Variants in MORN3 observed in about 807,000 individuals in gnomAD.
The protein encoded by MORN3 is MORN repeat containing 3, also known as MORN repeat-containing protein 3.
In MORN3, 38 loss-of-function variants were observed where a neutral mutation model predicts 34.7. That is an observed-to-expected ratio of 1.10 (90% CI 0.85 to 1.44). MORN3 has a LOEUF of 1.44. Ranked by LOEUF, MORN3 falls within the 40% of genes most tolerant of loss-of-function variation. The pLI is 0.00. For synonymous variants in MORN3, 109 were observed against 115.3 expected (o/e 0.95, Z 0.35); for missense variants, 311 against 321.7 (o/e 0.97, Z 0.25).
upstream of MORN3, among the ~76,000 whole-genome samples, chr12:121,670,400 T>C (rs966067560): frequency 1.3e-5 from 2 of 152,138 alleles, no homozygotes; most frequent in African/African-American, 2.4e-5. Context: ...TTGGCAGAGG[T>C]TGCAGTAAGC....
At chr12:121,657,650 C>G (rs1893450590) in intron 2 of MORN3, among the ~76,000 whole-genome samples, 1 of 151,968 alleles carries the variant, frequency 6.6e-6, no homozygotes, top group Non-Finnish European at 1.5e-5. Flanking sequence ...GGCGGATCAC[C>G]TGAGGTCGGG....
Position 121,649,656 on chromosome 12 carries a change from C to T in MORN3, c.*1995G>A, listed in dbSNP as rs1555324803. The T allele has an allele frequency of 1.3e-5, 2 of 151,440 alleles. No individual in the cohort carries two copies. The highest frequency in any genetic ancestry group is 2.9e-5 in the Non-Finnish European group (2 of 67,984). The allele number at this position is 151,440 out of a possible 1,614,324, so 9.4% of individuals were successfully genotyped here. ...TGAGGCTTTACTATGTGCTATGTGCCTCTTGCTGAGGTCTTAGCTAGAATC... is the reference window on the plus strand; with the variant it reads ...TGAGGCTTTACTATGTGCTATGTGCTTCTTGCTGAGGTCTTAGCTAGAATC... On this transcript the variant is annotated 3_prime_UTR_variant, in exon 6 of 6. Transcript: ENST00000355329.
Position 121,650,117 on chromosome 12 carries a change from C to T in MORN3, c.*1534G>A, listed in dbSNP as rs560423472. 6.6e-6 allele frequency: 1 copy of T among 152,104 alleles called. No homozygotes were observed. Among genetic ancestry groups the T allele is most frequent in the East Asian group, 1.9e-4 (1 of 5,150 alleles). The allele number at this position is 152,104 out of a possible 1,614,324, so 9.4% of individuals were successfully genotyped here. A position where few individuals can be genotyped will look rare whatever the true frequency, so the allele number is the denominator to read the frequency against. On this transcript the variant is annotated 3_prime_UTR_variant, in exon 6 of 6. Coordinates refer to ENST00000355329, the MANE Select transcript of MORN3 (RefSeq NM_173855.5). ...CCAGGTGGTAAGTACTGTTAATGCC[C>T]CATATTGCAAGTGAGGAGACCAACA...
Position 121,659,177 on chromosome 12 carries a change from G to T in MORN3, c.303+14C>A, listed in dbSNP as rs1009045953. 5.0e-6 allele frequency: 8 copies of T among 1,605,424 alleles called. No individual in the cohort carries two copies. The highest frequency in any genetic ancestry group is 1.3e-5 in the African/African-American group (1 of 74,286). On this transcript the variant is annotated intron_variant, in intron 2 of 5. Coordinates refer to ENST00000355329, the MANE Select transcript of MORN3 (RefSeq NM_173855.5). ...CACACACACACACACACCCCGGCTG[G>T]CAGGCCTGCTCACCGATTTCTTATC...
At chr12:121,654,186 CCTGT>C in intron 3 of MORN3, 84 bp downstream of exon 3, 1 of 1,120,274 alleles carries the variant, frequency 8.9e-7, no homozygotes, top group Non-Finnish European at 1.3e-6. Flanking sequence ...TGGGGTGTGG[CCTGT>C]CTCTGTGGGA....
chr12:121,654,155 G>T, intron 3 of MORN3, 119 bp downstream of exon 3: 1 of 768,082 alleles, frequency 1.3e-6, no homozygotes, highest in African/African-American at 1.8e-5. Flanking sequence ...TTGACACAAG[G>T]GTCAGTGTGG....
chr12:121,663,766 T>A (rs578227626), intron 1 of MORN3, among the ~76,000 whole-genome samples: 1 of 152,080 alleles, frequency 6.6e-6, no homozygotes, highest in Admixed American at 6.5e-5. Context: ...TTTATTTTTT[T>A]ATTTTTTTTT....
At chr12:121,652,873 G>A (rs12578883) in intron 4 of MORN3, 65 bp from the exon 5 acceptor site, 29,222 of 1,564,670 alleles carry the variant, frequency 0.019, 661 homozygotes, top group African/African-American at 0.096. Flanking sequence ...AGCCTTGACT[G>A]GCGCTGCCTG....
At position 121,653,265 on chromosome 12, in the gene MORN3, G is replaced by C. The variant is rs7965126; in HGVS notation, c.464-6C>G. 1 of 1,612,846 alleles carries C rather than the reference G, an allele frequency of 6.2e-7. No homozygotes were observed. The highest frequency in any genetic ancestry group is 1.1e-5 in the South Asian group (1 of 90,966). On this transcript the variant is annotated splice_polypyrimidine_tract_variant and splice_region_variant and intron_variant, in intron 3 of 5. Transcript: ENST00000355329. The stretch of plus-strand genomic sequence containing the variant: ...CTCGTAGCGGTTCCCGTTCTCTGGG[G>C]GAAAGGACAGGGAGGTGTGGTGCAG...
Position 121,659,319 on chromosome 12 carries a change from C to G in MORN3, c.175G>C (p.Gly59Arg). The G allele has an allele frequency of 6.2e-7, 1 of 1,613,964 alleles. No individual in the cohort carries two copies. The highest frequency in any genetic ancestry group is 8.5e-7 in the Non-Finnish European group (1 of 1,179,986). ...TTCCAGTCCCCCTCATAGATGGCTC[C>G]TTTCTTCTTCCAGACCTGTGTTCCT... ...GKGTQVWKKK[G>R]AIYEGDWKFG... is the part of the protein sequence containing the mutation. Residue 59 changes from glycine to arginine, a missense_variant, in exon 2 of 6, where the codon GGA becomes CGA. Coordinates refer to ENST00000355329, the MANE Select transcript of MORN3 (RefSeq NM_173855.5).
intron 2 of MORN3, among the ~76,000 whole-genome samples, chr12:121,658,793 G>C (rs1555325984): frequency 6.6e-6 from 1 of 151,876 alleles, no homozygotes; most frequent in Non-Finnish European, 1.5e-5. Flanking sequence ...CCTGTCCCCT[G>C]CTCTCTTGCT....
chr12:121,660,648 CTTT>C (rs201295586), intron 1 of MORN3, among the ~76,000 whole-genome samples: 1 of 114,364 alleles, frequency 8.7e-6, no homozygotes, highest in African/African-American at 3.0e-5. Context: ...CGCACCCGGC[CTTT>C]TTTTTTCTTT....
chr12:121,663,866 T>C (rs865990043), intron 1 of MORN3, among the ~76,000 whole-genome samples: 14 of 152,158 alleles, frequency 9.2e-5, no homozygotes, highest in South Asian at 2.1e-4. Flanking sequence ...GTAGGGGCTG[T>C]TGGGTTGTTT....
At chr12:121,655,193 C>T (rs1189282491) in intron 2 of MORN3, among the ~76,000 whole-genome samples, 3 of 151,338 alleles carry the variant, frequency 2.0e-5, no homozygotes, top group African/African-American at 4.8e-5. Flanking sequence ...ACCAAAAATA[C>T]AAAAAATTAG....
chr12:121,657,011 G>A lies in MORN3; in HGVS notation c.303+2180C>T, dbSNP rs575957637. On this transcript the variant is annotated intron_variant, in intron 2 of 5. Transcript: ENST00000355329. ...CCACTTGCTAGCTGTGTGACTCCAG[G>A]CAAGACTGAAACTGCCTTTGCAAAA... Among the ~76,000 whole-genome samples, 3 of 152,282 alleles carry A rather than the reference G, an allele frequency of 2.0e-5. No individual in the cohort carries two copies. In the East Asian group the frequency reaches 5.8e-4, roughly 29 times the overall value.
Position 121,659,165 on chromosome 12 carries a change from A to C in MORN3, c.303+26T>G, listed in dbSNP as rs1566482130. The stretch of plus-strand genomic sequence containing the variant: ...CACACACACACACACACACACACAC[A>C]CACCCCGGCTGGCAGGCCTGCTCAC... On this transcript the variant is annotated intron_variant, in intron 2 of 5. Transcript: ENST00000355329. 6.5e-7 allele frequency: 1 copy of C among 1,542,644 alleles called. No individual in the cohort carries two copies. The highest frequency in any genetic ancestry group is 8.8e-7 in the Non-Finnish European group (1 of 1,136,644).
At chr12:121,653,415 A>G (rs1301593264) in intron 3 of MORN3, among the ~76,000 whole-genome samples, 156 bp from the exon 4 acceptor site, 3 of 152,104 alleles carry the variant, frequency 2.0e-5, no homozygotes, top group Non-Finnish European at 4.4e-5. Flanking sequence ...CCTGAGCAAC[A>G]TAGTGAGACC....
intron 1 of MORN3, among the ~76,000 whole-genome samples, chr12:121,660,531 A>T (rs948516091): frequency 6.6e-6 from 1 of 151,306 alleles, no homozygotes; most frequent in Non-Finnish European, 1.5e-5. Context: ...TTGTATTTTT[A>T]GTAGAGACGG....
intron 1 of MORN3, among the ~76,000 whole-genome samples, chr12:121,659,989 T>A (rs1893530897): frequency 6.6e-6 from 1 of 151,610 alleles, no homozygotes; most frequent in African/African-American, 2.4e-5. Context: ...ATCCCAGCAC[T>A]TTGGGAGGCT....
Sources: gnomAD v4.1 joint callset for allele counts (sites outside exome capture counted in the v4.1 genomes callset) on GRCh38, gnomAD v4.1.1 for gene constraint, MANE v1.5 for transcripts, NCBI Gene and HGNC (gene_info 2026-07-23, HGNC 2026-07-21) for gene names.